SNX29: variants seen among roughly 807,000 people sequenced by gnomAD.
SNX29 encodes the protein sorting nexin 29.
SNX29 carries 78 observed loss-of-function variants against 102.1 expected under a neutral mutation model. The ratio of observed to expected loss-of-function variants is 0.76; its 90% CI spans 0.64 to 0.92. SNX29 has a LOEUF of 0.92. Among genes scored for constraint, SNX29 ranks in the 40% least tolerant of loss-of-function variants. The pLI, the probability that SNX29 is intolerant of heterozygous loss-of-function variation, is 0.00. For synonymous variants in SNX29, 580 were observed against 414.5 expected (o/e 1.40, Z -4.85); for missense variants, 1,280 against 1,061.7 (o/e 1.21, Z -2.86).
chr16:12,170,315 G>A (rs770943297), intron 13 of SNX29, among the ~76,000 whole-genome samples: 2 of 152,028 alleles, frequency 1.3e-5, no homozygotes, highest in East Asian at 1.9e-4. Flanking sequence ...GTGAATCTCA[G>A]TGAACGTGTG....
intron 11 of SNX29, chr16:12,087,515 T>G (rs555857989): frequency 4.0e-6 from 1 of 249,034 alleles, no homozygotes; most frequent in Non-Finnish European, 7.9e-6. Context: ...GAGGATTGCT[T>G]GAGCCCAGGA....
At chr16:12,249,447 G>A (rs1567356270) in intron 14 of SNX29, among the ~76,000 whole-genome samples, 1 of 152,216 alleles carries the variant, frequency 6.6e-6, no homozygotes, top group Non-Finnish European at 1.5e-5. Context: ...ACTGACCAGA[G>A]TAAGTCACAT....
chr16:12,328,577 C>G (rs1006463056), intron 15 of SNX29, among the ~76,000 whole-genome samples: 6 of 152,080 alleles, frequency 3.9e-5, no homozygotes, highest in Admixed American at 3.3e-4. Flanking sequence ...TCCTCGTTCT[C>G]TGTCCCCAGA....
chr16:12,527,072 C>G (rs766918007), intron 20 of SNX29: 2 of 438,438 alleles, frequency 4.6e-6, no homozygotes, highest in East Asian at 4.1e-5. Context: ...TTGGTCTAGA[C>G]CCCAGTTGAA....
chr16:12,566,878 C>T (rs1040572062), intron 20 of SNX29, among the ~76,000 whole-genome samples: 1 of 152,228 alleles, frequency 6.6e-6, no homozygotes, highest in Non-Finnish European at 1.5e-5. Flanking sequence ...GGCAAAGCAA[C>T]AACTTGACTT....
At chr16:12,443,043 C>T (rs544443051) in intron 18 of SNX29, 2 of 455,876 alleles carry the variant, frequency 4.4e-6, no homozygotes, top group South Asian at 1.5e-5. Flanking sequence ...CGTATGAAAA[C>T]AGCCAGCAGG....
At chr16:12,546,476 C>G (rs1446356086) in intron 20 of SNX29, 1 of 152,150 alleles carries the variant, frequency 6.6e-6, no homozygotes, top group Non-Finnish European at 1.5e-5. Context: ...CATTCACTGT[C>G]AGAAGAACAG....
rs2079158961 is a variant in SNX29, at chr16:12,570,267, T to C, written c.*1638T>C. 2 of 1,064,480 alleles carry C rather than the reference T, an allele frequency of 1.9e-6. No homozygotes were observed. Among genetic ancestry groups the C allele is most frequent in the South Asian group, 9.1e-5 (2 of 21,938 alleles). The allele number at this position is 1,064,480 out of a possible 1,614,324, so 65.9% of individuals were successfully genotyped here. ...AAATGAGCTGGAGCATGTATGGAGG[T>C]GCGGACCCTGCAGTCAGTTTGCGAG... On this transcript the variant is annotated 3_prime_UTR_variant, in exon 21 of 21. Transcript: ENST00000566228.
Position 12,550,156 on chromosome 16 carries a change from T to C in SNX29, c.2319-18350T>C, listed in dbSNP as rs568063466. On this transcript the variant is annotated intron_variant, in intron 20 of 20. Transcript: ENST00000566228. ...AAGGGAATACCTTCCATACCGCATG[T>C]AGTGATATGGAAAAAATCTCCATGA... Among the ~76,000 whole-genome samples, 24 of 152,328 alleles carry C rather than the reference T, an allele frequency of 1.6e-4. No homozygotes were observed. The South Asian group carries it at 5.0e-3, about 32-fold the overall frequency.
In SNX29 at chr16:12,564,405, G is replaced by A. The variant is rs1442032323; in HGVS notation, c.2319-4101G>A. Among the ~76,000 whole-genome samples the A allele has an allele frequency of 2.6e-5, 4 of 150,984 alleles. No homozygotes were observed. The East Asian group carries it at 5.9e-4, about 22-fold the overall frequency. ...ACCAACTGCATAAATATGCATCAAT[G>A]ATGTATGATTGGCACTATTATCCTC... is the stretch of plus-strand genomic sequence containing the variant. On this transcript the variant is annotated intron_variant, in intron 20 of 20. Transcript: ENST00000566228.
chr16:12,077,708 T>C (rs112485371), intron 10 of SNX29, among the ~76,000 whole-genome samples: 33,135 of 151,952 alleles, frequency 0.22, 4,068 homozygotes, highest in African/African-American at 0.34. Context: ...GCAACCTCTG[T>C]TTCCTGGGTT....
intron 20 of SNX29, among the ~76,000 whole-genome samples, chr16:12,536,866 C>G (rs1220176511): frequency 6.6e-6 from 1 of 152,138 alleles, no homozygotes; most frequent in Non-Finnish European, 1.5e-5. Context: ...ATTGTAGCTA[C>G]TTGGGAGGCT....
At chr16:12,502,335 C>T (rs146095024) in intron 19 of SNX29, among the ~76,000 whole-genome samples, 19 of 152,220 alleles carry the variant, frequency 1.2e-4, no homozygotes, top group Non-Finnish European at 2.1e-4. Context: ...AGTTTCAAGA[C>T]GGTGGCATCT....
In SNX29 at chr16:12,572,408, C is replaced by G. The variant is rs532644028; in HGVS notation, c.*3779C>G. On this transcript the variant is annotated 3_prime_UTR_variant, in exon 21 of 21. Coordinates refer to ENST00000566228, the MANE Select transcript of SNX29 (RefSeq NM_032167.5). ...TATCCCAACAGCCTGAGGCAGGGCTCTGTGGCCCAGGCCGGCAGTGGCTGC... is the reference window on the plus strand; with the variant it reads ...TATCCCAACAGCCTGAGGCAGGGCTGTGTGGCCCAGGCCGGCAGTGGCTGC... 1.3e-5 allele frequency: 14 copies of G among 1,063,782 alleles called. No individual in the cohort carries two copies. The highest frequency in any genetic ancestry group is 1.6e-5 in the Non-Finnish European group (14 of 878,290). 65.9% of individuals were successfully genotyped at this position (1,063,782 alleles called of 1,614,324 possible).
At chr16:12,253,844 G>C (rs1409022367) in intron 14 of SNX29, among the ~76,000 whole-genome samples, 1 of 152,144 alleles carries the variant, frequency 6.6e-6, no homozygotes, top group African/African-American at 2.4e-5. Context: ...GGGAGCAGGG[G>C]TGGAGGCAGA....
In SNX29 at chr16:12,563,016, C is replaced by G. The variant is rs546443512; in HGVS notation, c.2319-5490C>G. On this transcript the variant is annotated intron_variant, in intron 20 of 20. Coordinates refer to ENST00000566228, the MANE Select transcript of SNX29 (RefSeq NM_032167.5). Reference sequence around the variant, plus strand: ...AAACTGCTTCAATGCGCCTTTCAAACCGTGTTTACATCATTGCAAGGGCCA... The same window carrying G: ...AAACTGCTTCAATGCGCCTTTCAAAGCGTGTTTACATCATTGCAAGGGCCA... 4.3e-4 allele frequency among the ~76,000 whole-genome samples: 66 copies of G among 152,250 alleles called. 2 individuals carry two copies. In the South Asian group the frequency reaches 0.014, roughly 31 times the overall value.
intron 3 of SNX29, among the ~76,000 whole-genome samples, chr16:12,019,497 G>T (rs146091915): frequency 6.6e-6 from 1 of 151,650 alleles, no homozygotes; most frequent in Non-Finnish European, 1.5e-5. Flanking sequence ...GAGCCACCGC[G>T]CCTGGCAACT....
chr16:12,180,283 G>A (rs1360093242), intron 13 of SNX29, among the ~76,000 whole-genome samples: 1 of 151,864 alleles, frequency 6.6e-6, no homozygotes, highest in East Asian at 1.9e-4. Context: ...TCTGAGTTTG[G>A]TTACCTCGCT....
At chr16:12,303,883 C>T (rs776528125) in intron 15 of SNX29, among the ~76,000 whole-genome samples, 85 of 152,272 alleles carry the variant, frequency 5.6e-4, no homozygotes, top group Non-Finnish European at 5.7e-4. Context: ...TCTGGTTTAT[C>T]ACAGTACTTA....
Sources: gnomAD v4.1 joint callset for allele counts (sites outside exome capture counted in the v4.1 genomes callset) on GRCh38, gnomAD v4.1.1 for gene constraint, MANE v1.5 for transcripts, NCBI Gene and HGNC (gene_info 2026-07-23, HGNC 2026-07-21) for gene names.